Variants in ADGRA3 observed in about 807,000 individuals in gnomAD.
ADGRA3 encodes G-protein coupled receptor 125.
In ADGRA3, 56 loss-of-function variants were observed where a neutral mutation model predicts 119.8. That is an observed-to-expected ratio of 0.47 (90% confidence interval 0.38 to 0.58). ADGRA3 has a LOEUF of 0.58. ADGRA3 is among the 20% of genes least tolerant of loss of function. ADGRA3 has a pLI of 0.00. For synonymous variants in ADGRA3, 607 were observed against 623.8 expected (o/e 0.97, Z 0.40); for missense variants, 1,516 against 1,649.0 (o/e 0.92, Z 1.40).
chr4:22,478,371 T>C (rs546728817), intron 1 of ADGRA3: 13 of 152,188 alleles, frequency 8.5e-5, no homozygotes, highest in Non-Finnish European at 5.9e-5. Flanking sequence ...CAGAATGGAG[T>C]GAATCATGGA....
At chr4:22,443,058 C>G (rs1184295583) in intron 6 of ADGRA3, 195 bp from the exon 7 acceptor site, 9 of 682,058 alleles carry the variant, frequency 1.3e-5, no homozygotes, top group Admixed American at 1.2e-4. Context: ...TAAAAAGAAA[C>G]AATTTCATAA....
At chr4:22,497,368 GTC>G (rs1477460231) in intron 1 of ADGRA3, among the ~76,000 whole-genome samples, 3 of 150,908 alleles carry the variant, frequency 2.0e-5, no homozygotes, top group Admixed American at 6.6e-5. Flanking sequence ...AAAAAAAAAA[GTC>G]TCTGTTTCTG....
chr4:22,470,757 C>T (rs1036985553), intron 2 of ADGRA3, among the ~76,000 whole-genome samples: 5 of 152,182 alleles, frequency 3.3e-5, no homozygotes, highest in Non-Finnish European at 5.9e-5. Flanking sequence ...TGGCTTTACT[C>T]AGGGGGTGAC....
rs1715293492 is a variant in ADGRA3, at chr4:22,413,330, T to C, written c.2084A>G (p.His695Arg). The change falls in exon 14 of 19, where the codon CAT becomes CGT. Residue 695 changes from histidine to arginine, a missense_variant. Transcript: ENST00000334304. ...PVNVTLRRIA[H>R]GADAVAARWD... ...CCGGGCTGCAACAGCATCTGCTCCA[T>C]GTGCAATTCGACGCAGTGTCACATT... 2.5e-6 allele frequency: 4 copies of C among 1,614,142 alleles called. No individual in the cohort carries two copies. Among genetic ancestry groups the C allele is most frequent in the South Asian group, 1.1e-5 (1 of 91,086 alleles).
At chr4:22,396,938 T>C (rs571532148) in intron 16 of ADGRA3, among the ~76,000 whole-genome samples, 9 of 152,184 alleles carry the variant, frequency 5.9e-5, no homozygotes, top group Admixed American at 2.0e-4. Context: ...AATAAATTTA[T>C]GTGTCTGCTT....
At chr4:22,421,826 A>G (rs529039719) in intron 11 of ADGRA3, among the ~76,000 whole-genome samples, 4 of 140,250 alleles carry the variant, frequency 2.9e-5, no homozygotes, top group Admixed American at 7.6e-5. Context: ...GGTTGCAGTG[A>G]GCCAAGATTG....
intron 6 of ADGRA3, 24 bp from the exon 7 acceptor site, chr4:22,442,887 C>G: frequency 6.6e-7 from 1 of 1,525,548 alleles, no homozygotes; most frequent in Non-Finnish European, 9.1e-7. Context: ...AACAAAGATT[C>G]AGTAAACAAA....
intron 1 of ADGRA3, among the ~76,000 whole-genome samples, chr4:22,478,848 A>G (rs1467983505): frequency 6.6e-6 from 1 of 152,210 alleles, no homozygotes; most frequent in Non-Finnish European, 1.5e-5. Context: ...CATAATAACT[A>G]AGGATTTCCC....
chr4:22,447,498 T>C lies in ADGRA3; in HGVS notation c.487A>G (p.Asn163Asp). The C allele has an allele frequency of 1.3e-6, 2 of 1,573,570 alleles. No individual in the cohort carries two copies. Among genetic ancestry groups the C allele is most frequent in the Non-Finnish European group, 8.6e-7 (1 of 1,159,418 alleles). The change falls in exon 5 of 19, where the codon AAT becomes GAT. Residue 163 changes from asparagine (N) to aspartate (D), a missense_variant. Around this residue, in one of 2 missense-constraint regions of ADGRA3, gnomAD observed 428 missense variants for 541.9 expected, o/e 0.79. Coordinates refer to ENST00000334304, the MANE Select transcript of ADGRA3 (RefSeq NM_145290.4). The stretch of plus-strand genomic sequence containing the variant: ...CCTTGAGATAATGAAGAAAACAAAT[T>C]CCCCGAAAGGTTTCTGAAAGACAGA... The part of the protein sequence containing the change: ...TNLVRLNLSG[N>D]LFSSLSQGTF...
intron 4 of ADGRA3, among the ~76,000 whole-genome samples, chr4:22,454,283 A>G (rs1430771189): frequency 6.6e-6 from 1 of 152,172 alleles, no homozygotes; most frequent in African/African-American, 2.4e-5. Context: ...ATTTTAAATA[A>G]TCATTATAAC....
intron 16 of ADGRA3, chr4:22,394,396 C>T (rs1714266185): frequency 6.6e-6 from 1 of 152,110 alleles, no homozygotes; most frequent in Non-Finnish European, 1.5e-5. Flanking sequence ...AAATGATCGT[C>T]TTAAAAAGAA....
chr4:22,511,895 C>CTTTTTTTTTTTTTTTTTTTT (rs5856700), intron 1 of ADGRA3, among the ~76,000 whole-genome samples: 2 of 102,614 alleles, frequency 1.9e-5, no homozygotes, highest in African/African-American at 4.0e-5. Flanking sequence ...TTCTTTCTTT[C>CTTTTTTTTTTTTTTTTTTTT]TTTTTTTTTT....
intron 16 of ADGRA3, among the ~76,000 whole-genome samples, chr4:22,397,472 G>A (rs1413394283): frequency 1.3e-5 from 2 of 152,134 alleles, no homozygotes; most frequent in African/African-American, 2.4e-5. Context: ...TATGCTTGTA[G>A]AGCTTGGAGT....
chr4:22,445,265 C>T, intron 5 of ADGRA3, 132 bp from the exon 6 acceptor site: 2 of 730,460 alleles, frequency 2.7e-6, no homozygotes, highest in South Asian at 3.5e-5. Context: ...TACATTTCAT[C>T]AACTAGCTAC....
At chr4:22,462,864 GC>G (rs1717516468) in intron 2 of ADGRA3, among the ~76,000 whole-genome samples, 1 of 152,174 alleles carries the variant, frequency 6.6e-6, no homozygotes, top group Non-Finnish European at 1.5e-5. Flanking sequence ...TATGGCTACA[GC>G]TCCCCTCCTG....
intron 10 of ADGRA3, among the ~76,000 whole-genome samples, chr4:22,434,805 T>C (rs190811365): frequency 4.0e-3 from 616 of 152,326 alleles, no homozygotes; most frequent in African/African-American, 0.013. Flanking sequence ...TACGCCACTT[T>C]TAGAATTCAC....
intron 17 of ADGRA3, among the ~76,000 whole-genome samples, chr4:22,389,468 C>A (rs759640265): frequency 2.5e-4 from 38 of 151,044 alleles, no homozygotes; most frequent in Non-Finnish European, 4.4e-4. Context: ...ACACTCTGAG[C>A]CTGCTGGTAG....
rs776652488 is a variant in ADGRA3, at chr4:22,388,083, C to T, written c.3588G>A (p.Thr1196=). ...CGTTCTGCACGCTTCCTTCCACGCT[C>T]GTTGGGACATCGTAGGCATATTCTC... ...VLREYAYDVP[T]SVEGSVQNGL... The change falls in exon 19 of 19, where the codon ACG becomes ACA. Residue 1196 remains threonine, a synonymous_variant. Coordinates refer to ENST00000334304, the MANE Select transcript of ADGRA3 (RefSeq NM_145290.4). 3 of 1,614,162 alleles carry T rather than the reference C, an allele frequency of 1.9e-6. No homozygotes were observed. The highest frequency in any genetic ancestry group is 1.1e-5 in the South Asian group (1 of 91,076).
At chr4:22,459,669 A>G (rs1000234486) in intron 3 of ADGRA3, among the ~76,000 whole-genome samples, 2 of 150,834 alleles carry the variant, frequency 1.3e-5, no homozygotes, top group African/African-American at 4.9e-5. Flanking sequence ...CTGGAGGCGG[A>G]AAAAAAAAGA....
Sources: gnomAD v4.1 joint callset for allele counts (sites outside exome capture counted in the v4.1 genomes callset) on GRCh38, gnomAD v4.1.1 for gene constraint, gnomAD v4.1.1 regional missense constraint, MANE v1.5 for transcripts, NCBI Gene and HGNC (gene_info 2026-07-23, HGNC 2026-07-21) for gene names.